Variants in NR3C2 observed in about 807,000 individuals in gnomAD.
NR3C2 encodes the protein mineralocorticoid receptor.
NR3C2 carries 15 observed loss-of-function variants against 86.4 expected under a neutral mutation model. The ratio of observed to expected loss-of-function variants is 0.17; its 90% confidence interval spans 0.12 to 0.27. The LOEUF (loss-of-function observed/expected upper bound fraction) is 0.27, where lower values mean the gene tolerates loss of function less well. Ranked by LOEUF, NR3C2 falls within the 10% of genes least tolerant of loss-of-function variation. The pLI is 1.00. For missense variants in NR3C2, 960 were observed against 1,195.6 expected (o/e 0.80, Z 2.91); for synonymous variants, 458 against 450.5 (o/e 1.02, Z -0.21).
At chr4:148,396,058 G>A (rs939235631) in intron 2 of NR3C2, among the ~76,000 whole-genome samples, 8 of 152,092 alleles carry the variant, frequency 5.3e-5, no homozygotes, top group African/African-American at 1.9e-4. Context: ...GAAAGGTTTT[G>A]GTCAGTACCA....
chr4:148,234,344 T>C (rs1738627477), intron 3 of NR3C2, among the ~76,000 whole-genome samples: 1 of 152,058 alleles, frequency 6.6e-6, no homozygotes, highest in African/African-American at 2.4e-5. Context: ...AACATTTCAA[T>C]GGGTCTCCAG....
At chr4:148,323,698 T>G (rs1258862293) in intron 2 of NR3C2, among the ~76,000 whole-genome samples, 1 of 152,120 alleles carries the variant, frequency 6.6e-6, no homozygotes, top group African/African-American at 2.4e-5. Flanking sequence ...CCTGACCCCT[T>G]GTGCTTCCCA....
chr4:148,400,467 T>G (rs540663168), intron 2 of NR3C2, among the ~76,000 whole-genome samples: 57 of 152,200 alleles, frequency 3.7e-4, no homozygotes, highest in South Asian at 1.5e-3. Flanking sequence ...TACATATATA[T>G]ATAGAGAGTT....
At chr4:148,314,994 T>G (rs1418371693) in intron 2 of NR3C2, among the ~76,000 whole-genome samples, 2 of 152,180 alleles carry the variant, frequency 1.3e-5, no homozygotes, top group African/African-American at 4.8e-5. Context: ...AGTCAAACAC[T>G]CTTATTTATA....
At chr4:148,426,078 A>G (rs1749513917) in intron 2 of NR3C2, among the ~76,000 whole-genome samples, 1 of 152,126 alleles carries the variant, frequency 6.6e-6, no homozygotes, top group African/African-American at 2.4e-5. Flanking sequence ...TGCCAAACAA[A>G]ATCCTTACTC....
chr4:148,391,776 A>G (rs2126494012), intron 2 of NR3C2, among the ~76,000 whole-genome samples: 1 of 151,688 alleles, frequency 6.6e-6, no homozygotes. Context: ...CTGAGGCAGG[A>G]GAATCACTTG....
At chr4:148,166,285 A>G (rs1300370540) in intron 4 of NR3C2, among the ~76,000 whole-genome samples, 1 of 152,146 alleles carries the variant, frequency 6.6e-6, no homozygotes, top group Non-Finnish European at 1.5e-5. Context: ...CAGGGTTGGT[A>G]TTGCAGCATC....
chr4:148,152,573 G>C lies in NR3C2; in HGVS notation c.2406C>G (p.Ile802Met). 1 of 1,614,082 alleles carries C rather than the reference G, an allele frequency of 6.2e-7. No homozygotes were observed. Among genetic ancestry groups the C allele is most frequent in the Non-Finnish European group, 8.5e-7 (1 of 1,179,942 alleles). ...NLPLEDQITLIQYSWMCLSSF... is the reference protein window; with the variant it reads ...NLPLEDQITLMQYSWMCLSSF... ...ATGATAGACACATCCAAGAATACTG[G>C]ATTAGGGTAATTTGGTCCTCAAGAG... The change falls in exon 6 of 9, where the codon ATC becomes ATG. Residue 802 changes from isoleucine (I) to methionine (M), a missense_variant. Coordinates refer to ENST00000358102, the MANE Select transcript of NR3C2 (RefSeq NM_000901.5).
At chr4:148,433,906 T>C (rs1354076638) in intron 2 of NR3C2, among the ~76,000 whole-genome samples, 1 of 152,176 alleles carries the variant, frequency 6.6e-6, no homozygotes, top group African/African-American at 2.4e-5. Flanking sequence ...ATTAAATAGT[T>C]CATGCTGTGG....
At chr4:148,419,643 G>T (rs898001632) in intron 2 of NR3C2, among the ~76,000 whole-genome samples, 9 of 152,250 alleles carry the variant, frequency 5.9e-5, no homozygotes, top group African/African-American at 2.2e-4. Flanking sequence ...TTACATATCA[G>T]TGACTGATGA....
intron 2 of NR3C2, among the ~76,000 whole-genome samples, chr4:148,399,618 A>C (rs1748037574): frequency 7.0e-6 from 1 of 142,506 alleles, no homozygotes; most frequent in Non-Finnish European, 1.6e-5. Flanking sequence ...TATTTCAAAA[A>C]AAATTTATAC....
chr4:148,082,327 A>G (rs2149702644), intron 8 of NR3C2, among the ~76,000 whole-genome samples: 1 of 152,308 alleles, frequency 6.6e-6, no homozygotes, highest in East Asian at 1.9e-4. Flanking sequence ...AGATCAATGC[A>G]CAAGGTGGGT....
At chr4:148,325,456 A>T (rs1328684941) in intron 2 of NR3C2, among the ~76,000 whole-genome samples, 33 of 152,128 alleles carry the variant, frequency 2.2e-4, no homozygotes. Flanking sequence ...CTCAACATCT[A>T]GGTAAGTTGT....
In NR3C2 at chr4:148,153,158, A is replaced by G. The variant is rs796947593; in HGVS notation, c.2366-545T>C. ...CTGGCACCTGTCCTCCCTGCCTGAC[A>G]GACTCAAGCTCTTCTTTTGTTCTTT... On this transcript the variant is annotated intron_variant, in intron 5 of 8. Transcript: ENST00000358102. Among the ~76,000 whole-genome samples the G allele has an allele frequency of 4.6e-5, 7 of 152,262 alleles. No individual in the cohort carries two copies. The East Asian group carries it at 9.6e-4, about 21-fold the overall frequency.
At chr4:148,223,158 C>T (rs953729289) in intron 3 of NR3C2, among the ~76,000 whole-genome samples, 11 of 152,266 alleles carry the variant, frequency 7.2e-5, no homozygotes, top group Admixed American at 2.0e-4. Flanking sequence ...CTACTCGGCC[C>T]TACACTGACA....
At chr4:148,256,111 G>A (rs1296478328) in intron 3 of NR3C2, among the ~76,000 whole-genome samples, 1 of 152,176 alleles carries the variant, frequency 6.6e-6, no homozygotes, top group African/African-American at 2.4e-5. Context: ...CCAACTGTGG[G>A]ACTGCCACAG....
At chr4:148,125,164 T>C (rs34440621) in intron 6 of NR3C2, among the ~76,000 whole-genome samples, 39,422 of 152,212 alleles carry the variant, frequency 0.26, 5,862 homozygotes, top group East Asian at 0.6. Context: ...ATTTTACTTG[T>C]TCTGGAGCAG....
chr4:148,313,949 G>A (rs1743033946), intron 2 of NR3C2, among the ~76,000 whole-genome samples: 1 of 152,154 alleles, frequency 6.6e-6, no homozygotes, highest in African/African-American at 2.4e-5. Context: ...TTTTCAAGGG[G>A]GAAGGTAAGT....
At chr4:148,153,285 C>T (rs1362381258) in intron 5 of NR3C2, among the ~76,000 whole-genome samples, 1 of 152,182 alleles carries the variant, frequency 6.6e-6, no homozygotes, top group Non-Finnish European at 1.5e-5. Flanking sequence ...TCAAGCGATT[C>T]TCCTGCCTCA....
Sources: allele counts gnomAD v4.1 joint callset (sites outside exome capture counted in the v4.1 genomes callset), GRCh38; gene constraint gnomAD v4.1.1; transcripts MANE v1.5; gene names NCBI Gene and HGNC (gene_info 2026-07-23, HGNC 2026-07-21).